The following NKPD1 variants were observed in gnomAD, a reference collection of about 807,000 sequenced individuals.
NKPD1 encodes the protein NTPase KAP family P-loop domain-containing protein 1.
A neutral mutation model predicts 42.2 loss-of-function variants in NKPD1; 37 were observed. The ratio of observed to expected loss-of-function variants is 0.88; its 90% CI spans 0.67 to 1.15. The LOEUF (loss-of-function observed/expected upper bound fraction) is 1.15, where lower values mean the gene tolerates loss of function less well. Among genes scored for constraint, NKPD1 ranks in the 50% most tolerant of loss-of-function variants. The pLI, the probability that NKPD1 is intolerant of heterozygous loss-of-function variation, is 0.00. For missense variants in NKPD1, 1,113 were observed against 1,174.6 expected, an observed-to-expected ratio of 0.95 and a Z score of 0.77; for synonymous variants, 552 against 536.5, an observed-to-expected ratio of 1.03 and a Z score of -0.40.
intron 2 of NKPD1, 128 bp from the exon 3 acceptor site, chr19:45,159,228 CA>C: frequency 1.1e-6 from 1 of 934,178 alleles, no homozygotes; most frequent in South Asian, 1.8e-5. Flanking sequence ...AGAAACCCCT[CA>C]AAAAGTAAGA....
rs1265160501 is a variant in NKPD1 at position 45,152,220 on chromosome 19, C to A, written c.2217G>T (p.Leu739=). The A allele has an allele frequency of 6.2e-7, 1 of 1,602,788 alleles. No individual in the cohort carries two copies. The highest frequency in any genetic ancestry group is 1.7e-5 in the Admixed American group (1 of 58,492). Residue 739 remains leucine, a synonymous_variant, in exon 5 of 5, where the codon CTG becomes CTT. Transcript: ENST00000686631. ...FPFTVAEAQS[L]LRCTVNLDHS... ...GGTCCAGGTTGACCGTGCAGCGCAG[C>A]AGGCTCTGCGCCTCGGCCACGGTGA...
chr19:45,152,528 G>A lies in NKPD1; in HGVS notation c.1909C>T (p.Gln637Ter), dbSNP rs372057414. The change falls in exon 5 of 5, where the codon CAG (glutamine) becomes TAG (stop). Residue 637 changes from glutamine to a stop codon, truncating the protein, a stop_gained. Transcript: ENST00000686631. LOFTEE classifies it low-confidence loss of function (END_TRUNC). ...AAGTCCCCCTGCTGCTGCTGCTGCT[G>A]CAGCAGGCGCACGGTGATGGGCACG... ...NTVPITVRLL[Q>*]QQQQQGDFGG... 11 of 1,575,486 alleles carry A rather than the reference G, an allele frequency of 7.0e-6. No homozygotes were observed. In the African/African-American group the frequency reaches 1.5e-4, roughly 22 times the overall value.
chr19:45,162,181 C>T (rs1429282651), upstream of NKPD1, among the ~76,000 whole-genome samples: 1 of 152,156 alleles, frequency 6.6e-6, no homozygotes, highest in Non-Finnish European at 1.5e-5. Flanking sequence ...TTGCCCCGGG[C>T]TGGGAGCACA....
chr19:45,162,779 T>G, upstream of NKPD1: 1 of 169,010 alleles, frequency 5.9e-6, no homozygotes, highest in South Asian at 2.0e-4. Context: ...GAGGCCAGCA[T>G]CCCTCTGCCA....
chr19:45,151,870 A>G lies in NKPD1; in HGVS notation c.*68T>C, dbSNP rs1968783342. 7.0e-7 allele frequency: 1 copy of G among 1,436,898 alleles called. No homozygotes were observed. Among genetic ancestry groups the G allele is most frequent in the Non-Finnish European group, 9.2e-7 (1 of 1,084,608 alleles). The allele number at this position is 1,436,898 out of a possible 1,614,324, so 89.0% of individuals were successfully genotyped here. ...GGACCCTGGGTTGCGGCCCCAGTCC[A>G]GCCCCCTATTCTCCCATCTGGGCAG... On this transcript the variant is annotated 3_prime_UTR_variant, in exon 5 of 5. Transcript: ENST00000686631.
At chr19:45,161,134 G>C (rs1470492715), upstream of NKPD1, among the ~76,000 whole-genome samples, 1 of 152,180 alleles carries the variant, frequency 6.6e-6, no homozygotes, top group Non-Finnish European at 1.5e-5. Flanking sequence ...TCAGTCTTGT[G>C]TCCCCATCCC....
chr19:45,158,960 A>C lies in NKPD1; in HGVS notation c.232T>G (p.Ser78Ala). The C allele has an allele frequency of 7.7e-7, 1 of 1,300,274 alleles. No homozygotes were observed. Among genetic ancestry groups the C allele is most frequent in the South Asian group, 1.2e-5 (1 of 80,726 alleles). The allele number at this position is 1,300,274 out of a possible 1,614,324, so 80.5% of individuals were successfully genotyped here. ...GSGWRRGLLP[S>A]VLQQQRQPQS... ...GGCTGCCGCTGCTGCTGCAGGACGG[A>C]GGGCAGGAGGCCCCGGCGCCAGCCA... The change falls in exon 3 of 5, where the codon TCC becomes GCC. Residue 78 changes from serine (S) to alanine (A), a missense_variant. Ser to Ala is a moderately conservative substitution (Grantham distance 99). Around this residue, in one of 3 missense-constraint regions of NKPD1, gnomAD observed 204 missense variants for 227.8 expected, o/e 0.90. Transcript: ENST00000686631. This position sits in a 1 kb window ranked among gnomAD's most constrained non-coding sequence, Gnocchi z 4.6.
upstream of NKPD1, among the ~76,000 whole-genome samples, chr19:45,161,846 T>C (rs186386651): frequency 1.6e-3 from 239 of 152,132 alleles, no homozygotes; most frequent in South Asian, 5.4e-3. Flanking sequence ...ACAGACGGGG[T>C]GCTCCGATGG....
upstream of NKPD1, among the ~76,000 whole-genome samples, chr19:45,161,602 C>T (rs539457333): frequency 2.0e-5 from 3 of 152,344 alleles, no homozygotes; most frequent in South Asian, 6.2e-4. Context: ...CCCCAGGGCA[C>T]ACAGAGGCAG....
In NKPD1 at chr19:45,153,452, A is replaced by C; in HGVS notation, c.985T>G (p.Cys329Gly). ...LGNKPATRQD[C>G]CQSEWHCRRR... ...CGACAATGCCACTCGCTCTGGCAGC[A>C]GTCCTGCCTGGTGGCCGGCTTGTTG... The change falls in exon 5 of 5, where the codon TGC (cysteine) becomes GGC (glycine). Residue 329 changes from cysteine to glycine, a missense_variant. By Grantham distance (159) the Cys-to-Gly change is radical. This residue lies in a region of NKPD1 where 867 missense variants were observed against 870.1 expected (regional missense o/e 1.00). Coordinates refer to ENST00000686631, the MANE Select transcript of NKPD1 (RefSeq NM_198478.4). 1 of 1,549,808 alleles carries C rather than the reference A, an allele frequency of 6.5e-7. No homozygotes were observed.
intron 3 of NKPD1, among the ~76,000 whole-genome samples, chr19:45,157,804 A>G (rs1487187194): frequency 6.9e-6 from 1 of 144,254 alleles, no homozygotes; most frequent in African/African-American, 2.6e-5. Flanking sequence ...GGCTCATTGC[A>G]ACCTCTACCT....
chr19:45,157,451 A>T (rs1968924181), intron 3 of NKPD1, among the ~76,000 whole-genome samples: 1 of 152,148 alleles, frequency 6.6e-6, no homozygotes, highest in Admixed American at 6.5e-5. Flanking sequence ...TTGCTCTGTC[A>T]CCCAGGCTGG....
chr19:45,152,724 C>T lies in NKPD1; in HGVS notation c.1713G>A (p.Ala571=), dbSNP rs1208535702. The T allele has an allele frequency of 6.3e-7, 1 of 1,574,884 alleles. No individual in the cohort carries two copies. Among genetic ancestry groups the T allele is most frequent in the Admixed American group, 1.8e-5 (1 of 56,506 alleles). Residue 571 remains alanine (A), a synonymous_variant, in exon 5 of 5, where the codon GCG becomes GCA. Transcript: ENST00000686631. ...CCTGCGCCTGCACCGCCAGCAGCTG[C>T]GCGCTCTCGCCCCCGGCGTCCCCCG... ...WLPGDAGGES[A]QLLAVQAQAG...
rs1053116008 is a variant in NKPD1, at chr19:45,155,697, G to T, written c.661+88C>A. 11 of 1,210,342 alleles carry T rather than the reference G, an allele frequency of 9.1e-6. No individual in the cohort carries two copies. In the South Asian group the frequency reaches 9.9e-5, roughly 11 times the overall value. The allele number at this position is 1,210,342 out of a possible 1,614,324, so 75.0% of individuals were successfully genotyped here. On this transcript the variant is annotated intron_variant, in intron 4 of 4. Transcript: ENST00000686631. ...GCTGGGGCAGGCTGGCCACAGGGGT[G>T]GGGGGATCTGGGGGAAGCCTGGAGC...
chr19:45,152,337 C>A lies in NKPD1; in HGVS notation c.2100G>T (p.Glu700Asp). Residue 700 changes from glutamate (E) to aspartate (D), a missense_variant, in exon 5 of 5, where the codon GAG becomes GAT. Glu to Asp is a conservative substitution (Grantham distance 45). Transcript: ENST00000686631. ...LWDVFRDNSR[E>D]LHTMTKALQN... Reference sequence around the variant, plus strand: ...GCAACGCCTTGGTCATGGTGTGCAGCTCGCGGCTGTTGTCGCGGAAAACGT... The same window carrying A: ...GCAACGCCTTGGTCATGGTGTGCAGATCGCGGCTGTTGTCGCGGAAAACGT... 1 of 1,606,156 alleles carries A rather than the reference C, an allele frequency of 6.2e-7. No individual in the cohort carries two copies. The highest frequency in any genetic ancestry group is 2.2e-5 in the East Asian group (1 of 44,540).
chr19:45,158,780 T>C lies in NKPD1; in HGVS notation c.412A>G (p.Arg138Gly). 8.0e-7 allele frequency: 1 copy of C among 1,244,474 alleles called. No homozygotes were observed. Among genetic ancestry groups the C allele is most frequent in the Non-Finnish European group, 1.0e-6 (1 of 961,196 alleles). The allele number at this position is 1,244,474 out of a possible 1,614,324, so 77.1% of individuals were successfully genotyped here. Residue 138 changes from arginine to glycine, a missense_variant, in exon 3 of 5, where the codon AGG becomes GGG. Coordinates refer to ENST00000686631, the MANE Select transcript of NKPD1 (RefSeq NM_198478.4). The surrounding 1 kb of genome is among the most constrained non-coding windows in gnomAD (Gnocchi z 4.6). ...GCGGAGGGTAGAGCTGGGCCACTCC[T>C]GGCCATGGCTGGTGCCGTGGTGGGT... ...TLPTTAPAMA[R>G]SGPALPSAAG...
chr19:45,159,140 C>T (rs773458067), intron 2 of NKPD1, 40 bp from the exon 3 acceptor site: 24 of 1,246,334 alleles, frequency 1.9e-5, no homozygotes, highest in South Asian at 1.1e-4. Flanking sequence ...CCTGTGTCCC[C>T]GACCCCCGGG....
Position 45,153,414 on chromosome 19 carries a change from G to C in NKPD1, c.1023C>G (p.Cys341Trp). 1 of 1,550,604 alleles carries C rather than the reference G, an allele frequency of 6.4e-7. No individual in the cohort carries two copies. Among genetic ancestry groups the C allele is most frequent in the Non-Finnish European group, 8.7e-7 (1 of 1,151,826 alleles). ...QSEWHCRRRV[C>W]LGLLALLAAL... ...CCGCCAGCAGCGCCAGCAGCCCCAGGCACACGCGGCGCCGACAATGCCACT... is the reference window on the plus strand; with the variant it reads ...CCGCCAGCAGCGCCAGCAGCCCCAGCCACACGCGGCGCCGACAATGCCACT... Residue 341 changes from cysteine (C) to tryptophan (W), a missense_variant, in exon 5 of 5, where the codon TGC (cysteine) becomes TGG (tryptophan). By Grantham distance (215) the Cys-to-Trp change is radical (BLOSUM62 -2). Around this residue, in one of 3 missense-constraint regions of NKPD1, gnomAD observed 867 missense variants for 870.1 expected, o/e 1.00. Coordinates refer to ENST00000686631, the MANE Select transcript of NKPD1 (RefSeq NM_198478.4).
rs1968942500 is a variant in NKPD1 at position 45,158,418 on chromosome 19, G to A, written c.529+245C>T. Among the ~76,000 whole-genome samples, 1 of 152,238 alleles carries A rather than the reference G, an allele frequency of 6.6e-6. No individual in the cohort carries two copies. Among genetic ancestry groups the A allele is most frequent in the Admixed American group, 6.5e-5 (1 of 15,286 alleles). ...GAGGGAAAGGGGGAAGGAGAGGGAG[G>A]CCTTCACTGCCTGGCGCAGGATGGA... is the stretch of plus-strand genomic sequence containing the variant. On this transcript the variant is annotated intron_variant, in intron 3 of 4. Transcript: ENST00000686631. The surrounding 1 kb of genome is among the most constrained non-coding windows in gnomAD (Gnocchi z 4.6).
Sources: allele counts gnomAD v4.1 joint callset (sites outside exome capture counted in the v4.1 genomes callset), GRCh38; gene constraint gnomAD v4.1.1; regional missense constraint gnomAD v4.1.1; non-coding constraint Gnocchi (gnomAD v3.1); transcripts MANE v1.5; gene names NCBI Gene and HGNC (gene_info 2026-07-23, HGNC 2026-07-21).